The following BEND7 variants were observed in gnomAD, a reference collection of about 807,000 sequenced individuals.
BEND7 encodes the protein BEN domain containing 7.
BEND7 carries 28 observed loss-of-function variants against 50.9 expected under a neutral mutation model. The ratio of observed to expected loss-of-function variants is 0.55; its 90% CI spans 0.41 to 0.75. The LOEUF (loss-of-function observed/expected upper bound fraction) is 0.75. Ranked by LOEUF, BEND7 falls within the 30% of genes least tolerant of loss-of-function variation. BEND7 has a pLI of 0.00. For synonymous variants in BEND7, 170 were observed against 183.9 expected (o/e 0.92, Z 0.61); for missense variants, 477 against 491.3 (o/e 0.97, Z 0.28).
At chr10:13,440,395 C>T (rs147959186), downstream of BEND7, among the ~76,000 whole-genome samples, 1,611 of 152,364 alleles carry the variant, frequency 0.011, 28 homozygotes, top group African/African-American at 0.036. Context: ...CTGGAGCCCA[C>T]ATCTGTTTTT....
chr10:13,498,654 A>G (rs2077212682), intron 3 of BEND7, among the ~76,000 whole-genome samples: 1 of 152,212 alleles, frequency 6.6e-6, no homozygotes, highest in Non-Finnish European at 1.5e-5. Flanking sequence ...ACCATCTTTT[A>G]TCATTTTTAG....
chr10:13,524,684 G>C (rs2079324865), intron 2 of BEND7, among the ~76,000 whole-genome samples: 1 of 147,920 alleles, frequency 6.8e-6, no homozygotes, highest in Admixed American at 6.7e-5. Context: ...AACTGACCAA[G>C]TTTAGGGGAC....
intron 2 of BEND7, chr10:13,500,450 G>T: frequency 1.1e-6 from 1 of 939,034 alleles, no homozygotes; most frequent in Non-Finnish European, 1.3e-6. Context: ...GAACCCCTCT[G>T]CTCTGATGGG....
At chr10:13,529,415 AG>A (rs895565503), upstream of BEND7, among the ~76,000 whole-genome samples, 5 of 152,068 alleles carry the variant, frequency 3.3e-5, no homozygotes, top group African/African-American at 1.2e-4. Flanking sequence ...AGCAAGTTTT[AG>A]GGGGAAAAAA....
chr10:13,473,946 C>G (rs1240237880), intron 6 of BEND7, among the ~76,000 whole-genome samples: 1 of 151,608 alleles, frequency 6.6e-6, no homozygotes, highest in East Asian at 1.9e-4. Flanking sequence ...CCAATATTGT[C>G]ATCGCTGTTA....
Position 13,492,820 on chromosome 10 carries a change from C to T in BEND7, c.628G>A (p.Ala210Thr). 6.2e-7 allele frequency: 1 copy of T among 1,608,344 alleles called. No individual in the cohort carries two copies. Among genetic ancestry groups the T allele is most frequent in the Non-Finnish European group, 8.5e-7 (1 of 1,178,832 alleles). The change falls in exon 5 of 9, where the codon GCT becomes ACT. Residue 210 changes from alanine to threonine, a missense_variant. By Grantham distance (58) the Ala-to-Thr change is moderately conservative (BLOSUM62 0). Coordinates refer to ENST00000466271, the MANE Select transcript of BEND7 (RefSeq NM_001369863.1). ...PISLICSQRT[A>T]VSRKRNKKKK... Reference sequence around the variant, plus strand: ...TTTTTATTTCTCTTTCGTGAGACAGCAGTTCGCTGGGAGCATATAAGGGAA... The same window carrying T: ...TTTTTATTTCTCTTTCGTGAGACAGTAGTTCGCTGGGAGCATATAAGGGAA...
intron 3 of BEND7, among the ~76,000 whole-genome samples, chr10:13,498,193 A>T (rs1270385577): frequency 1.3e-5 from 2 of 148,548 alleles, no homozygotes. Context: ...CTCATGCCTC[A>T]GCCCCCCAAG....
intron 4 of BEND7, among the ~76,000 whole-genome samples, chr10:13,493,672 C>A (rs568012108): frequency 7.2e-5 from 11 of 152,332 alleles, no homozygotes; most frequent in African/African-American, 2.6e-4. Flanking sequence ...TGATTCTATA[C>A]TTAAAGAAAT....
In BEND7 at chr10:13,474,201, G is replaced by C. The variant is rs1046134408; in HGVS notation, c.1063+6698C>G. On this transcript the variant is annotated intron_variant, in intron 6 of 8. Transcript: ENST00000466271. Reference sequence around the variant, plus strand: ...TTTCGGGTCAATATCCATCATCGCTGTTAGACTCGGGGCCGACATCCGTCA... The same window carrying C: ...TTTCGGGTCAATATCCATCATCGCTCTTAGACTCGGGGCCGACATCCGTCA... Among the ~76,000 whole-genome samples, 9 of 152,012 alleles carry C rather than the reference G, an allele frequency of 5.9e-5. No homozygotes were observed. The East Asian group carries it at 1.7e-3, about 30-fold the overall frequency.
At chr10:13,438,884 T>G, downstream of BEND7, 1 of 354,892 alleles carries the variant, frequency 2.8e-6, no homozygotes, top group South Asian at 3.5e-5. Flanking sequence ...CAATCTTGGG[T>G]TCTGTGATAA....
intron 6 of BEND7, among the ~76,000 whole-genome samples, chr10:13,479,960 G>T (rs543059601): frequency 2.0e-4 from 31 of 152,248 alleles, no homozygotes; most frequent in Middle Eastern, 3.4e-3. Flanking sequence ...GAACAGAAGG[G>T]GGCAGAGAAG....
At chr10:13,488,249 A>G (rs552933788) in intron 5 of BEND7, among the ~76,000 whole-genome samples, 1 of 152,224 alleles carries the variant, frequency 6.6e-6, no homozygotes, top group Non-Finnish European at 1.5e-5. Context: ...CCTATTATTA[A>G]AAATTATTTT....
At chr10:13,438,700 T>C (rs1397532119), downstream of BEND7, 1 of 156,544 alleles carries the variant, frequency 6.4e-6, no homozygotes, top group Non-Finnish European at 1.4e-5. Context: ...TTGGTCGATC[T>C]ATTGACACAA....
chr10:13,500,165 A>C (rs749860697), intron 2 of BEND7, 85 bp from the exon 3 acceptor site: 2 of 1,168,364 alleles, frequency 1.7e-6, no homozygotes, highest in Non-Finnish European at 2.4e-6. Flanking sequence ...AAAGAAAAAC[A>C]ACCCTTCTTT....
chr10:13,512,500 A>C (rs1405664035), intron 2 of BEND7, among the ~76,000 whole-genome samples: 1 of 152,254 alleles, frequency 6.6e-6, no homozygotes, highest in African/African-American at 2.4e-5. Flanking sequence ...TCATTCAACA[A>C]GAAAATGTTC....
chr10:13,461,034 T>C (rs1284150282), intron 6 of BEND7, among the ~76,000 whole-genome samples: 1 of 152,074 alleles, frequency 6.6e-6, no homozygotes, highest in Non-Finnish European at 1.5e-5. Flanking sequence ...GAGCACCAGG[T>C]ACACAGCCAA....
At chr10:13,517,753 G>A (rs2078795431) in intron 2 of BEND7, among the ~76,000 whole-genome samples, 1 of 152,152 alleles carries the variant, frequency 6.6e-6, no homozygotes, top group Non-Finnish European at 1.5e-5. Context: ...CTGAAAAATG[G>A]AAAAGAATTT....
intron 7 of BEND7, 119 bp from the exon 8 acceptor site, chr10:13,447,435 TTC>T: frequency 4.1e-6 from 4 of 975,962 alleles, no homozygotes; most frequent in African/African-American, 3.3e-5. Flanking sequence ...CACCATTCTT[TTC>T]TGTTTTCAGC....
Position 13,499,825 on chromosome 10 carries a change from C to T in BEND7, c.401G>A (p.Arg134His), listed in dbSNP as rs201677598. Reference sequence around the variant, plus strand: ...GGGCTGGCTTTGGAAGGTTCTAGAACGGGTGCCATACTGCCCTGAGAACTG... The same window carrying T: ...GGGCTGGCTTTGGAAGGTTCTAGAATGGGTGCCATACTGCCCTGAGAACTG... ...SGQFSGQYGT[R>H]SRTFQSQPHP... The change falls in exon 3 of 9, where the codon CGT (arginine) becomes CAT (histidine). Residue 134 changes from arginine (R) to histidine (H), a missense_variant. By Grantham distance (29) the Arg-to-His change is conservative. This residue lies in a region of BEND7 where 396 missense variants were observed against 384.2 expected (regional missense o/e 1.03). Transcript: ENST00000466271. 17 of 1,613,890 alleles carry T rather than the reference C, an allele frequency of 1.1e-5. No individual in the cohort carries two copies. Among genetic ancestry groups the T allele is most frequent in the Middle Eastern group, 1.6e-4 (1 of 6,062 alleles).
Sources: gnomAD v4.1 joint callset for allele counts (sites outside exome capture counted in the v4.1 genomes callset) on GRCh38, gnomAD v4.1.1 for gene constraint, gnomAD v4.1.1 regional missense constraint, MANE v1.5 for transcripts, NCBI Gene and HGNC (gene_info 2026-07-23, HGNC 2026-07-21) for gene names.